The following CEP152 variants were observed in gnomAD, a reference collection of about 807,000 sequenced individuals.
CEP152 encodes centrosomal protein of 152 kDa.
Under a neutral mutation model 188.9 loss-of-function variants are expected in CEP152, and 132 were observed. That is an observed-to-expected ratio of 0.70 (90% CI 0.61 to 0.81). CEP152 has a LOEUF of 0.81. Ranked by LOEUF, CEP152 falls within the 30% of genes least tolerant of loss-of-function variation. The probability of loss-of-function intolerance (pLI) is 0.00; values close to 1 mark genes in which losing one functional copy is unlikely to be tolerated. For synonymous variants in CEP152, 649 were observed against 666.6 expected (o/e 0.97, Z 0.41); for missense variants, 1,914 against 1,969.8 (o/e 0.97, Z 0.54).
chr15:48,748,601 T>C lies in CEP152; in HGVS notation c.3476A>G (p.Lys1159Arg), dbSNP rs761865621. Residue 1159 changes from lysine (K) to arginine (R), a missense_variant, in exon 22 of 27, where the codon AAG becomes AGG. Coordinates refer to ENST00000380950, the MANE Select transcript of CEP152 (RefSeq NM_001194998.2). ...QATEAEADKK[K>R]VLEIKDLCCG... ...GCATAAATCCTTAATTTCAAGGACC[T>C]TTTTCTTATCTGCAAAAATTAAATG... is the stretch of plus-strand genomic sequence containing the variant. 5.4e-6 allele frequency: 8 copies of C among 1,480,478 alleles called. No individual in the cohort carries two copies. Among genetic ancestry groups the C allele is most frequent in the Non-Finnish European group, 7.1e-6 (8 of 1,121,450 alleles). The allele number at this position is 1,480,478 out of a possible 1,614,324, so 91.7% of individuals were successfully genotyped here. A position where few individuals can be genotyped will look rare whatever the true frequency, so the allele number is the denominator to read the frequency against.
intron 2 of CEP152, among the ~76,000 whole-genome samples, chr15:48,731,029 T>C (rs1291331088): frequency 6.6e-6 from 1 of 152,162 alleles, no homozygotes; most frequent in East Asian, 1.9e-4. Flanking sequence ...GGATGTTGAA[T>C]AAAGACTAAA....
intron 8 of CEP152, 200 bp from the exon 9 acceptor site, chr15:48,789,201 A>G: frequency 1.7e-6 from 1 of 604,218 alleles, no homozygotes; most frequent in Middle Eastern, 4.4e-4. Context: ...TAGTTGTTGG[A>G]AACAATGTTC....
Position 48,738,621 on chromosome 15 carries a change from T to C in CEP152, c.4761A>G (p.Glu1587=). 1 of 1,614,210 alleles carries C rather than the reference T, an allele frequency of 6.2e-7. No individual in the cohort carries two copies. Among genetic ancestry groups the C allele is most frequent in the Non-Finnish European group, 8.5e-7 (1 of 1,180,020 alleles). The change falls in exon 27 of 27, where the codon GAA becomes GAG. Residue 1587 remains glutamate (E), a synonymous_variant. Coordinates refer to ENST00000380950, the MANE Select transcript of CEP152 (RefSeq NM_001194998.2). ...SSATLSFDSR[E]ASFVHGRPQG... ...GTGGCCTACCATGTACAAATGATGC[T>C]TCACGACTGTCAAAGGATAAGGTTG...
rs768152436 is a variant in CEP152 at position 48,738,393 on chromosome 15, C to G, written c.4989G>C (p.Lys1663Asn). ...SVNCGHPSRHKADRLKSDFKK... is the reference protein window; with the variant it reads ...SVNCGHPSRHNADRLKSDFKK... ...TGAAATCTGACTTTAATCTATCAGC[C>G]TTATGACGAGATGGGTGTCCACAAT... Residue 1663 changes from lysine to asparagine, a missense_variant, in exon 27 of 27, where the codon AAG becomes AAC. Physicochemically the swap from Lys to Asn is moderately conservative, Grantham distance 94 (BLOSUM62 0). Transcript: ENST00000380950. 6 of 1,614,150 alleles carry G rather than the reference C, an allele frequency of 3.7e-6. No homozygotes were observed. The highest frequency in any genetic ancestry group is 5.1e-6 in the Non-Finnish European group (6 of 1,180,006).
chr15:48,805,084 C>A (rs1468813992), intron 2 of CEP152, among the ~76,000 whole-genome samples: 1 of 152,192 alleles, frequency 6.6e-6, no homozygotes, highest in Non-Finnish European at 1.5e-5. Flanking sequence ...CTACAGCAAT[C>A]CCCTATCAAT....
At chr15:48,804,231 ACT>A (rs1897842765) in intron 2 of CEP152, among the ~76,000 whole-genome samples, 1 of 152,190 alleles carries the variant, frequency 6.6e-6, no homozygotes. Context: ...TAAGCCAGAG[ACT>A]CTGCAGTGCT....
chr15:48,770,347 A>T (rs189268559), intron 13 of CEP152, among the ~76,000 whole-genome samples: 1 of 152,268 alleles, frequency 6.6e-6, no homozygotes, highest in East Asian at 1.9e-4. Context: ...GAGTAGCTGG[A>T]CAAAAAGAAT....
rs1893626761 is a variant in CEP152 at position 48,748,463 on chromosome 15, G to A, written c.3614C>T (p.Ala1205Val). The A allele has an allele frequency of 6.5e-7, 1 of 1,532,614 alleles. No individual in the cohort carries two copies. The highest frequency in any genetic ancestry group is 1.2e-5 in the South Asian group (1 of 83,202). 94.9% of individuals were successfully genotyped at this position (1,532,614 alleles called of 1,614,324 possible). A position where few individuals can be genotyped will look rare whatever the true frequency, so the allele number is the denominator to read the frequency against. The change falls in exon 22 of 27, where the codon GCT becomes GTT. Residue 1205 changes from alanine to valine, a missense_variant. By Grantham distance (64) the Ala-to-Val change is moderately conservative. Coordinates refer to ENST00000380950, the MANE Select transcript of CEP152 (RefSeq NM_001194998.2). ...HLQHLERKHK[A>V]VVEKIGEENN... is the part of the protein sequence containing the mutation. ...CTAACCTCCAATTTTTTCCACTACA[G>A]CTTTGTGCTTCCTTTCTAAATGCTG...
intron 12 of CEP152, among the ~76,000 whole-genome samples, chr15:48,775,414 C>G (rs1232120802): frequency 6.6e-6 from 1 of 152,016 alleles, no homozygotes; most frequent in Non-Finnish European, 1.5e-5. Flanking sequence ...AAAAGAAAAA[C>G]CTATACATTA....
chr15:48,795,522 T>A (rs1177216281), intron 6 of CEP152, among the ~76,000 whole-genome samples: 5 of 152,198 alleles, frequency 3.3e-5, no homozygotes, highest in Non-Finnish European at 7.3e-5. Context: ...AAAATTTTTT[T>A]AAATTTCAAA....
chr15:48,741,199 A>T lies in CEP152; in HGVS notation c.4093+402T>A, dbSNP rs961659376. The T allele has an allele frequency of 2.8e-6, 3 of 1,078,090 alleles. No homozygotes were observed. The African/African-American group carries it at 5.6e-5, about 20-fold the overall frequency. The allele number at this position is 1,078,090 out of a possible 1,614,324, so 66.8% of individuals were successfully genotyped here. ...GGCTGGAGTACAGTGGCACAATCAT[A>T]GCTTACTGCAACCTCAAATTCCTGG... On this transcript the variant is annotated intron_variant, in intron 26 of 26. Coordinates refer to ENST00000380950, the MANE Select transcript of CEP152 (RefSeq NM_001194998.2).
intron 12 of CEP152, among the ~76,000 whole-genome samples, chr15:48,780,524 G>A (rs896032888): frequency 6.6e-6 from 1 of 152,086 alleles, no homozygotes; most frequent in Non-Finnish European, 1.5e-5. Flanking sequence ...CAATGATGAC[G>A]AACTCCATCT....
At chr15:48,756,622 A>G in intron 19 of CEP152, 69 bp from the exon 20 acceptor site, 1 of 1,486,940 alleles carries the variant, frequency 6.7e-7, no homozygotes, top group Non-Finnish European at 9.2e-7. Context: ...AAATTAAGGT[A>G]ACTATTTTGG....
downstream of CEP152, among the ~76,000 whole-genome samples, chr15:48,735,316 AAC>A (rs1892557678): frequency 6.6e-6 from 1 of 152,266 alleles, no homozygotes; most frequent in South Asian, 2.1e-4. Flanking sequence ...AAATGAAAAC[AAC>A]AATACAACAT....
rs762045936 is a variant in CEP152, at chr15:48,768,942, A to G, written c.1908+14T>C. The G allele has an allele frequency of 4.1e-6, 6 of 1,455,154 alleles. No homozygotes were observed. Among genetic ancestry groups the G allele is most frequent in the Non-Finnish European group, 5.6e-6 (6 of 1,063,064 alleles). 90.1% of individuals were successfully genotyped at this position (1,455,154 alleles called of 1,614,324 possible). ...TAAAAATTCTCATAAAATATAAAAA[A>G]TATTTTTAATCACCTGATTTTGTTG... On this transcript the variant is annotated intron_variant, in intron 14 of 26. Coordinates refer to ENST00000380950, the MANE Select transcript of CEP152 (RefSeq NM_001194998.2).
downstream of CEP152, among the ~76,000 whole-genome samples, chr15:48,732,956 T>C (rs1464063673): frequency 6.7e-6 from 1 of 150,034 alleles, no homozygotes; most frequent in Non-Finnish European, 1.5e-5. Flanking sequence ...CCAGGCATGG[T>C]GGCATACACC....
In CEP152 at chr15:48,781,314, CA is replaced by C. The variant is rs747053796; in HGVS notation, c.1458del (p.Ala487LeufsTer4). On this transcript the variant is annotated frameshift_variant, in exon 12 of 27. Coordinates refer to ENST00000380950, the MANE Select transcript of CEP152 (RefSeq NM_001194998.2). LOFTEE classifies it high-confidence loss of function. Reference sequence around the variant, plus strand: ...CTTGGATGTATTCCTAGTTTTGCAGCAGATTCATAGAGAGAAATTTCATCTT... The same window carrying C: ...CTTGGATGTATTCCTAGTTTTGCAGCGATTCATAGAGAGAAATTTCATCTT... ...ELKDEISLYE[S>X]AAKLGIHPSD... 5 of 1,611,246 alleles carry C rather than the reference CA, an allele frequency of 3.1e-6. No homozygotes were observed. The highest frequency in any genetic ancestry group is 4.2e-6 in the Non-Finnish European group (5 of 1,177,772).
chr15:48,806,805 T>C (rs1898013078), intron 1 of CEP152, among the ~76,000 whole-genome samples: 1 of 152,200 alleles, frequency 6.6e-6, no homozygotes, highest in South Asian at 2.1e-4. Context: ...TGCAGTTCCA[T>C]TTGTAGCAGT....
intron 19 of CEP152, among the ~76,000 whole-genome samples, chr15:48,756,784 C>T (rs889642694): frequency 2.0e-5 from 3 of 152,084 alleles, no homozygotes; most frequent in African/African-American, 4.8e-5. Context: ...TAAACACTCA[C>T]ACATATAATT....
Sources: gnomAD v4.1 joint callset for allele counts (sites outside exome capture counted in the v4.1 genomes callset) on GRCh38, gnomAD v4.1.1 for gene constraint, MANE v1.5 for transcripts, NCBI Gene and HGNC (gene_info 2026-07-23, HGNC 2026-07-21) for gene names.